PZP: variants seen among roughly 807,000 people sequenced by gnomAD.
PZP encodes pregnancy zone protein.
In PZP, 150 loss-of-function variants were observed where a neutral mutation model predicts 179.8. The observed-to-expected ratio is 0.83, with a 90% CI of 0.73 to 0.96. PZP has a LOEUF of 0.96. Ranked by LOEUF, PZP falls within the 40% of genes least tolerant of loss-of-function variation. The probability of loss-of-function intolerance (pLI) is 0.00; values close to 1 mark genes in which losing one functional copy is unlikely to be tolerated. For missense variants in PZP, 1,689 were observed against 1,764.0 expected (o/e 0.96, Z 0.76); for synonymous variants, 624 against 652.3 (o/e 0.96, Z 0.66).
At chr12:9,178,890 T>C (rs920151821) in intron 15 of PZP, among the ~76,000 whole-genome samples, 3 of 152,102 alleles carry the variant, frequency 2.0e-5, no homozygotes, top group African/African-American at 7.3e-5. Context: ...GACAGGGGTC[T>C]CAGATATAGT....
chr12:9,195,007 A>T (rs1301002318), intron 10 of PZP, among the ~76,000 whole-genome samples: 2 of 152,178 alleles, frequency 1.3e-5, no homozygotes, highest in Non-Finnish European at 2.9e-5. Flanking sequence ...AGATTAAATA[A>T]TTATTTAAAA....
At chr12:9,206,000 A>C (rs1413293520) in intron 1 of PZP, among the ~76,000 whole-genome samples, 1 of 152,126 alleles carries the variant, frequency 6.6e-6, no homozygotes, top group Non-Finnish European at 1.5e-5. Context: ...AAATCATCCA[A>C]GTTTCAGATG....
intron 20 of PZP, 92 bp from the exon 21 acceptor site, chr12:9,163,881 A>G (rs1941395675): frequency 1.6e-5 from 23 of 1,438,864 alleles, no homozygotes; most frequent in Non-Finnish European, 2.1e-5. Flanking sequence ...TGTCCAGAAT[A>G]GAAAATAAGG....
rs1233728717 is a variant in PZP at position 9,158,571 on chromosome 12, G to C, written c.3143C>G (p.Thr1048Arg). The change falls in exon 26 of 36, where the codon ACA becomes AGA. Residue 1048 changes from threonine (T) to arginine (R), a missense_variant. By Grantham distance (71) the Thr-to-Arg change is moderately conservative (BLOSUM62 -1). This residue lies in a region of PZP where 746 missense variants were observed against 749.2 expected (regional missense o/e 1.00). Coordinates refer to ENST00000261336, the MANE Select transcript of PZP (RefSeq NM_002864.3). ...GGCGAAAGTCTTCAGTACAAAAGCT[G>C]TGAGCCTAGGGGGAGGAAAAATGCA... Reference protein sequence around the residue: ...YGRNQGNTWLTAFVLKTFAQA... With the variant: ...YGRNQGNTWLRAFVLKTFAQA... 3 of 1,614,008 alleles carry C rather than the reference G, an allele frequency of 1.9e-6. No homozygotes were observed. The highest frequency in any genetic ancestry group is 2.5e-6 in the Non-Finnish European group (3 of 1,179,966).
chr12:9,197,274 C>T (rs996694888), intron 7 of PZP, 151 bp from the exon 8 acceptor site: 1 of 552,982 alleles, frequency 1.8e-6, no homozygotes. Flanking sequence ...AAATGTCTCC[C>T]TCAAAAATAT....
intron 7 of PZP, among the ~76,000 whole-genome samples, chr12:9,199,829 C>T (rs757702280): frequency 6.6e-6 from 1 of 152,206 alleles, no homozygotes; most frequent in African/African-American, 2.4e-5. Flanking sequence ...TGTTTTACTT[C>T]TCTGTTAACT....
intron 15 of PZP, among the ~76,000 whole-genome samples, chr12:9,179,808 C>T (rs1185082105): frequency 1.3e-5 from 2 of 152,198 alleles, no homozygotes; most frequent in African/African-American, 4.8e-5. Context: ...ATATAGCTTT[C>T]ATTAAGATCA....
At chr12:9,181,811 A>G (rs1188172385) in intron 14 of PZP, among the ~76,000 whole-genome samples, 164 bp downstream of exon 14, 1 of 152,182 alleles carries the variant, frequency 6.6e-6, no homozygotes, top group African/African-American at 2.4e-5. Flanking sequence ...TAATTGAAAA[A>G]GTGCTGTACT....
chr12:9,152,176 A>C, intron 32 of PZP, 44 bp downstream of exon 32: 1 of 1,353,092 alleles, frequency 7.4e-7, no homozygotes, highest in Middle Eastern at 2.0e-4. Context: ...GGGGATACAG[A>C]ACATACTTTT....
At chr12:9,197,714 A>G (rs1943896653) in intron 7 of PZP, among the ~76,000 whole-genome samples, 1 of 87,276 alleles carries the variant, frequency 1.1e-5, no homozygotes, top group African/African-American at 4.9e-5. Context: ...ATTATACAAT[A>G]CATAATATAT....
At position 9,201,313 on chromosome 12, in the gene PZP, T is replaced by C; in HGVS notation, c.501+14A>G. On this transcript the variant is annotated intron_variant, in intron 5 of 35. Coordinates refer to ENST00000261336, the MANE Select transcript of PZP (RefSeq NM_002864.3). The stretch of plus-strand genomic sequence containing the variant: ...GCACTAATTTCCTTATAAGATACTT[T>C]TTCTGATACTTACCTCAAGGTATAT... 6.5e-7 allele frequency: 1 copy of C among 1,529,230 alleles called. No individual in the cohort carries two copies. The highest frequency in any genetic ancestry group is 2.3e-5 in the East Asian group (1 of 44,408). 94.7% of individuals were successfully genotyped at this position (1,529,230 alleles called of 1,614,324 possible).
At chr12:9,181,175 T>G in intron 14 of PZP, 43 bp from the exon 15 acceptor site, 4 of 1,613,034 alleles carry the variant, frequency 2.5e-6, no homozygotes, top group Admixed American at 1.7e-5. Context: ...TTTCCCTACT[T>G]CTGTGATCTT....
At chr12:9,181,229 A>C (rs1156254067) in intron 14 of PZP, 97 bp from the exon 15 acceptor site, 5 of 1,462,420 alleles carry the variant, frequency 3.4e-6, no homozygotes, top group Admixed American at 4.2e-5. Context: ...TTCAGTTCAT[A>C]TGACTATGTT....
At position 9,161,029 on chromosome 12, in the gene PZP, T is replaced by C. The variant is rs757137943; in HGVS notation, c.2872+4A>G. The C allele has an allele frequency of 2.8e-5, 44 of 1,567,554 alleles. No individual in the cohort carries two copies. In the South Asian group the frequency reaches 3.9e-4, roughly 14 times the overall value. On this transcript the variant is annotated splice_donor_region_variant and intron_variant, in intron 23 of 35. Transcript: ENST00000261336. Reference sequence around the variant, plus strand: ...CCAGGTTTACTAAATGGAAGGTGACTCACCCAGAACTGAGAAAGAAGCTCT... The same window carrying C: ...CCAGGTTTACTAAATGGAAGGTGACCCACCCAGAACTGAGAAAGAAGCTCT...
chr12:9,152,742 A>G, intron 31 of PZP, 82 bp downstream of exon 31: 1 of 1,412,304 alleles, frequency 7.1e-7, no homozygotes, highest in Non-Finnish European at 9.7e-7. Context: ...CTAATAACAT[A>G]GCTTCCAAAT....
intron 18 of PZP, 149 bp downstream of exon 18, chr12:9,165,903 A>C: frequency 1.2e-6 from 1 of 865,080 alleles, no homozygotes; most frequent in Non-Finnish European, 1.8e-6. Context: ...GAGCCTATGC[A>C]ATTGCGCATT....
intron 31 of PZP, among the ~76,000 whole-genome samples, 185 bp from the exon 32 acceptor site, chr12:9,152,495 A>G (rs915537757): frequency 6.6e-6 from 1 of 152,330 alleles, no homozygotes; most frequent in Middle Eastern, 3.4e-3. Context: ...CAGATCTACC[A>G]CTTGCTAAAA....
chr12:9,183,628 C>A (rs1277576163), intron 13 of PZP, among the ~76,000 whole-genome samples: 1 of 152,138 alleles, frequency 6.6e-6, no homozygotes, highest in East Asian at 1.9e-4. Flanking sequence ...TCCCAAACTC[C>A]TCGGTTCAAG....
chr12:9,158,180 C>T lies in PZP; in HGVS notation c.3294+240G>A, dbSNP rs748498760. 2.0e-5 allele frequency among the ~76,000 whole-genome samples: 3 copies of T among 152,292 alleles called. No homozygotes were observed. In the South Asian group the frequency reaches 6.2e-4, roughly 32 times the overall value. ...ATGTTGCCCAGGCTAGTCTTATACT[C>T]CTGGGCTCAAGTGATCCACCTGCCT... On this transcript the variant is annotated intron_variant, in intron 26 of 35. Coordinates refer to ENST00000261336, the MANE Select transcript of PZP (RefSeq NM_002864.3).
Sources: allele counts gnomAD v4.1 joint callset (sites outside exome capture counted in the v4.1 genomes callset), GRCh38; gene constraint gnomAD v4.1.1; regional missense constraint gnomAD v4.1.1; transcripts MANE v1.5; gene names NCBI Gene and HGNC (gene_info 2026-07-23, HGNC 2026-07-21).